ACTL8: variants seen among roughly 807,000 people sequenced by gnomAD.
ACTL8 encodes actin like 8.
A neutral mutation model predicts 9.3 loss-of-function variants in ACTL8; 3 were observed. The ratio of observed to expected loss-of-function variants is 0.32; its 90% CI spans 0.15 to 0.83. The LOEUF (loss-of-function observed/expected upper bound fraction) is 0.83, where lower values mean the gene tolerates loss of function less well. Among genes scored for constraint, ACTL8 ranks in the 40% least tolerant of loss-of-function variants. ACTL8 has a pLI of 0.57. For missense variants in ACTL8, 381 were observed against 492.2 expected, an observed-to-expected ratio of 0.77 and a Z score of 2.14; for synonymous variants, 224 against 205.9, an observed-to-expected ratio of 1.09 and a Z score of -0.75.
chr1:17,787,900 T>G (rs1407849725), intron 1 of ACTL8, among the ~76,000 whole-genome samples: 1 of 152,248 alleles, frequency 6.6e-6, no homozygotes, highest in Non-Finnish European at 1.5e-5. Flanking sequence ...TCCTGTATCT[T>G]GCCAGCAAGA....
chr1:17,815,325 C>T (rs1349721021), intron 1 of ACTL8, among the ~76,000 whole-genome samples: 1 of 152,180 alleles, frequency 6.6e-6, no homozygotes, highest in Admixed American at 6.5e-5. Context: ...CTTTAATTAG[C>T]ATTTCTTTTT....
At chr1:17,801,979 G>A (rs2066325650) in intron 1 of ACTL8, among the ~76,000 whole-genome samples, 4 of 152,176 alleles carry the variant, frequency 2.6e-5, no homozygotes, top group South Asian at 2.1e-4. Flanking sequence ...CCAAGCTGCA[G>A]CGTTGAGCTG....
At chr1:17,762,728 T>C (rs2066015690) in intron 1 of ACTL8, among the ~76,000 whole-genome samples, 1 of 151,942 alleles carries the variant, frequency 6.6e-6, no homozygotes, top group Non-Finnish European at 1.5e-5. Flanking sequence ...TCTGGTCAGG[T>C]TGTGGCCTGT....
chr1:17,787,352 C>T lies in ACTL8; in HGVS notation c.-25+31848C>T, dbSNP rs943267600. On this transcript the variant is annotated intron_variant, in intron 1 of 2. Coordinates refer to ENST00000375406, the MANE Select transcript of ACTL8 (RefSeq NM_030812.3). Reference sequence around the variant, plus strand: ...TTATCTTGGTTCACTGCAGCCTCTTCCTCCCAGGCTCAAGCAATTCTCATG... The same window carrying T: ...TTATCTTGGTTCACTGCAGCCTCTTTCTCCCAGGCTCAAGCAATTCTCATG... Among the ~76,000 whole-genome samples, 3 of 152,250 alleles carry T rather than the reference C, an allele frequency of 2.0e-5. No individual in the cohort carries two copies. In the South Asian group the frequency reaches 6.2e-4, roughly 32 times the overall value.
At chr1:17,757,527 C>T (rs1297460488) in intron 1 of ACTL8, among the ~76,000 whole-genome samples, 1 of 149,910 alleles carries the variant, frequency 6.7e-6, no homozygotes, top group Non-Finnish European at 1.5e-5. Context: ...TTTCCCTCCG[C>T]AGTGCTGGAG....
chr1:17,761,356 T>C (rs1001182289), intron 1 of ACTL8, among the ~76,000 whole-genome samples: 6 of 152,112 alleles, frequency 3.9e-5, no homozygotes, highest in East Asian at 1.9e-4. Flanking sequence ...TGCATGTTTC[T>C]GCTTTACCTG....
intron 2 of ACTL8, among the ~76,000 whole-genome samples, chr1:17,825,060 A>C (rs2053702372): frequency 8.2e-6 from 1 of 122,676 alleles, no homozygotes; most frequent in Non-Finnish European, 1.6e-5. Context: ...GGAGGCTGCC[A>C]GAGCTGAGGA....
Position 17,826,417 on chromosome 1 carries a change from A to C in ACTL8, c.999A>C (p.Arg333Ser). Residue 333 changes from arginine (R) to serine (S), a missense_variant, in exon 3 of 3, where the codon AGA (arginine) becomes AGC (serine). Physicochemically the swap from Arg to Ser is moderately radical, Grantham distance 110 (BLOSUM62 -1). Transcript: ENST00000375406. The surrounding 1 kb of genome is among the most constrained non-coding windows in gnomAD (Gnocchi z 4.5). ...CCACAGTCTGGGAGGGTTCCAATAG[A>C]AACTTTAGTGTCTGGCTAGGAGCGT... is the stretch of plus-strand genomic sequence containing the variant. ...TKATVWEGSN[R>S]NFSVWLGASV... The C allele has an allele frequency of 1.9e-6, 3 of 1,613,992 alleles. No homozygotes were observed. The highest frequency in any genetic ancestry group is 2.5e-6 in the Non-Finnish European group (3 of 1,179,996).
chr1:17,777,353 TG>T (rs1198487716), intron 1 of ACTL8, among the ~76,000 whole-genome samples: 1 of 152,138 alleles, frequency 6.6e-6, no homozygotes, highest in Non-Finnish European at 1.5e-5. Context: ...CAGCAGTTCT[TG>T]GGTGGCACAG....
chr1:17,809,362 G>A (rs754698744), intron 1 of ACTL8, among the ~76,000 whole-genome samples: 40 of 152,172 alleles, frequency 2.6e-4, no homozygotes, highest in Admixed American at 5.2e-4. Flanking sequence ...AGAGTGATGA[G>A]AGCTGGTTTT....
At chr1:17,816,924 A>G (rs2066430137) in intron 1 of ACTL8, among the ~76,000 whole-genome samples, 1 of 152,148 alleles carries the variant, frequency 6.6e-6, no homozygotes. Context: ...TCAAAGTTTG[A>G]GAGAAAACAG....
intron 1 of ACTL8, among the ~76,000 whole-genome samples, chr1:17,819,987 C>T (rs2053638869): frequency 6.6e-6 from 1 of 151,360 alleles, no homozygotes; most frequent in Admixed American, 6.6e-5. Context: ...CCAGCCTGCG[C>T]AAGAGCGAGA....
At chr1:17,805,625 G>C (rs983384281) in intron 1 of ACTL8, among the ~76,000 whole-genome samples, 1 of 151,758 alleles carries the variant, frequency 6.6e-6, no homozygotes, top group Non-Finnish European at 1.5e-5. Flanking sequence ...GTGATCCACC[G>C]CCTCAGCCTC....
intron 1 of ACTL8, among the ~76,000 whole-genome samples, chr1:17,789,157 C>G (rs2066220013): frequency 6.6e-6 from 1 of 152,152 alleles, no homozygotes. Context: ...TATACATAAT[C>G]AGAGTTTGGA....
At chr1:17,819,330 G>A (rs775466719) in intron 1 of ACTL8, among the ~76,000 whole-genome samples, 6 of 152,222 alleles carry the variant, frequency 3.9e-5, no homozygotes, top group Admixed American at 1.3e-4. Flanking sequence ...GCCAGGAGGC[G>A]AGGCAGGAGG....
At chr1:17,791,319 C>A (rs149408117) in intron 1 of ACTL8, among the ~76,000 whole-genome samples, 1 of 152,144 alleles carries the variant, frequency 6.6e-6, no homozygotes, top group Non-Finnish European at 1.5e-5. Context: ...TCAGATGGCT[C>A]GCTGCTGCCA....
chr1:17,774,525 G>A (rs2066105134), intron 1 of ACTL8, among the ~76,000 whole-genome samples: 1 of 152,156 alleles, frequency 6.6e-6, no homozygotes, highest in African/African-American at 2.4e-5. Flanking sequence ...CACTGAGAAG[G>A]TGCCATCTGA....
chr1:17,784,318 C>G (rs1249210069), intron 1 of ACTL8, among the ~76,000 whole-genome samples: 1 of 152,162 alleles, frequency 6.6e-6, no homozygotes, highest in Non-Finnish European at 1.5e-5. Context: ...AAGTCCGCCC[C>G]CATGATCCAG....
intron 1 of ACTL8, among the ~76,000 whole-genome samples, chr1:17,794,085 G>A (rs971526888): frequency 5.3e-5 from 8 of 152,106 alleles, no homozygotes; most frequent in African/African-American, 1.9e-4. Flanking sequence ...TCTTGCTGAC[G>A]CCTCACAATC....
Sources: gnomAD v4.1 joint callset for allele counts (sites outside exome capture counted in the v4.1 genomes callset) on GRCh38, gnomAD v4.1.1 for gene constraint, Gnocchi (gnomAD v3.1) non-coding constraint, MANE v1.5 for transcripts, NCBI Gene and HGNC (gene_info 2026-07-23, HGNC 2026-07-21) for gene names.